The following PPP3CA variants were observed in gnomAD, a reference collection of about 807,000 sequenced individuals.
PPP3CA encodes CAM-PRP catalytic subunit.
PPP3CA carries 14 observed loss-of-function variants against 66.5 expected under a neutral mutation model. The observed-to-expected ratio is 0.21, with a 90% CI of 0.14 to 0.33. The LOEUF (loss-of-function observed/expected upper bound fraction) is 0.33, where lower values mean the gene tolerates loss of function less well. Ranked by LOEUF, PPP3CA falls within the 10% of genes least tolerant of loss-of-function variation. The pLI is 1.00. For synonymous variants in PPP3CA, 232 were observed against 226.2 expected, an observed-to-expected ratio of 1.03 and a Z score of -0.23; for missense variants, 317 against 639.5, an observed-to-expected ratio of 0.50 and a Z score of 5.44.
intron 1 of PPP3CA, among the ~76,000 whole-genome samples, chr4:101,197,197 G>A (rs1052524780): frequency 6.6e-6 from 1 of 152,136 alleles, no homozygotes; most frequent in African/African-American, 2.4e-5. Context: ...TGATGTTAAC[G>A]GAATAAACTT....
At chr4:101,081,967 A>G (rs1015144513) in intron 7 of PPP3CA, among the ~76,000 whole-genome samples, 2 of 152,208 alleles carry the variant, frequency 1.3e-5, no homozygotes, top group African/African-American at 2.4e-5. Flanking sequence ...CATAATCTCA[A>G]TTTTTCCAAT....
At chr4:101,184,139 C>T (rs7673607) in intron 2 of PPP3CA, among the ~76,000 whole-genome samples, 3,467 of 152,196 alleles carry the variant, frequency 0.023, 120 homozygotes, top group African/African-American at 0.078. Flanking sequence ...ACCACAGGAT[C>T]AACTGAAAGA....
At chr4:101,095,421 C>A (rs1345041537) in intron 5 of PPP3CA, among the ~76,000 whole-genome samples, 1 of 151,808 alleles carries the variant, frequency 6.6e-6, no homozygotes, top group Non-Finnish European at 1.5e-5. Flanking sequence ...TAAACAAATA[C>A]AAAAAAACTT....
intron 1 of PPP3CA, among the ~76,000 whole-genome samples, chr4:101,242,460 G>A (rs1458779818): frequency 6.6e-6 from 1 of 152,034 alleles, no homozygotes; most frequent in African/African-American, 2.4e-5. Flanking sequence ...AAACTCAGGG[G>A]AGACAAGTGC....
At chr4:101,320,679 A>C (rs1395605252) in intron 1 of PPP3CA, among the ~76,000 whole-genome samples, 1 of 152,132 alleles carries the variant, frequency 6.6e-6, no homozygotes, top group Non-Finnish European at 1.5e-5. Context: ...CTTCATTCCA[A>C]ACTTGAGTTA....
chr4:101,093,091 T>C (rs1730031131), intron 6 of PPP3CA, among the ~76,000 whole-genome samples: 1 of 152,210 alleles, frequency 6.6e-6, no homozygotes, highest in East Asian at 1.9e-4. Context: ...AAAGCGTTCC[T>C]ATTTCTCCAC....
At chr4:101,119,187 T>C (rs1055618031) in intron 2 of PPP3CA, among the ~76,000 whole-genome samples, 3 of 151,952 alleles carry the variant, frequency 2.0e-5, no homozygotes, top group Admixed American at 1.3e-4. Context: ...TCTATATTTT[T>C]CCACATTTTA....
intron 2 of PPP3CA, among the ~76,000 whole-genome samples, chr4:101,109,605 C>T (rs1721595798): frequency 7.1e-6 from 1 of 141,558 alleles, no homozygotes; most frequent in East Asian, 2.3e-4. Context: ...TTCACTGAAT[C>T]TAGAATGTTA....
chr4:101,260,169 A>T (rs1406863790), intron 1 of PPP3CA, among the ~76,000 whole-genome samples: 1 of 152,116 alleles, frequency 6.6e-6, no homozygotes, highest in Admixed American at 6.6e-5. Context: ...AAAGGTGCAA[A>T]CTGCTATTCT....
intron 10 of PPP3CA, among the ~76,000 whole-genome samples, chr4:101,049,513 A>C (rs138520113): frequency 2.0e-5 from 3 of 152,124 alleles, no homozygotes. Context: ...ATATCAATTT[A>C]TTATCTAAAA....
At chr4:101,338,324 A>G (rs532076453) in intron 1 of PPP3CA, among the ~76,000 whole-genome samples, 12 of 152,374 alleles carry the variant, frequency 7.9e-5, no homozygotes, top group Middle Eastern at 3.4e-3. Context: ...ACACACTTCT[A>G]CAAAGACTGG....
At chr4:101,122,218 C>G (rs1308489909) in intron 2 of PPP3CA, among the ~76,000 whole-genome samples, 1 of 152,196 alleles carries the variant, frequency 6.6e-6, no homozygotes, top group Non-Finnish European at 1.5e-5. Context: ...CTGACTTTTT[C>G]TTTGGAATAG....
At chr4:101,330,421 T>C (rs778592195) in intron 1 of PPP3CA, 4 of 533,016 alleles carry the variant, frequency 7.5e-6, no homozygotes, top group East Asian at 1.1e-4. Flanking sequence ...CAATACTACA[T>C]ACATTTAGCT....
chr4:101,162,829 A>G (rs934184126), intron 2 of PPP3CA, among the ~76,000 whole-genome samples: 1 of 152,176 alleles, frequency 6.6e-6, no homozygotes. Flanking sequence ...CTTCATTTAG[A>G]AAATGGCCAT....
rs1346724465 is a variant in PPP3CA, at chr4:101,124,773, AAGAAAGAAAGAAAGAAAGAAAGAAAG to A, written c.260-15721_260-15696del. On this transcript the variant is annotated intron_variant, in intron 2 of 13. Coordinates refer to ENST00000394854, the MANE Select transcript of PPP3CA (RefSeq NM_000944.5). ...AAAGAAAGAAAGAAAGAAAGAAAGA[AAGAAAGAAAGAAAGAAAGAAAGAAAG>A]AGAAAACTGTATTGGTGTTGAGGAG... 9.5e-4 allele frequency among the ~76,000 whole-genome samples: 124 copies of A among 130,660 alleles called. 6 individuals are homozygous for A. The highest frequency in any genetic ancestry group is 3.8e-3 in the African/African-American group (117 of 30,888). The allele number at this position is 130,660 out of a possible 152,430, so 85.7% of individuals were successfully genotyped here.
chr4:101,272,933 C>T (rs115863994), intron 1 of PPP3CA, among the ~76,000 whole-genome samples: 91 of 152,196 alleles, frequency 6.0e-4, no homozygotes, highest in African/African-American at 2.1e-3. Context: ...CAGGTAAGAA[C>T]GAAAAGCTAA....
chr4:101,218,759 A>T (rs541170324), intron 1 of PPP3CA, among the ~76,000 whole-genome samples: 3 of 152,252 alleles, frequency 2.0e-5, no homozygotes, highest in African/African-American at 7.2e-5. Flanking sequence ...GAGAAAAAAA[A>T]GAATAGAGAC....
chr4:101,320,150 C>T (rs927409804), intron 1 of PPP3CA, among the ~76,000 whole-genome samples: 10 of 151,794 alleles, frequency 6.6e-5, no homozygotes, highest in African/African-American at 1.2e-4. Flanking sequence ...CACATGCACA[C>T]GCGTGTACAT....
At chr4:101,179,762 T>C (rs1724177114) in intron 2 of PPP3CA, among the ~76,000 whole-genome samples, 1 of 152,166 alleles carries the variant, frequency 6.6e-6, no homozygotes, top group Non-Finnish European at 1.5e-5. Flanking sequence ...TCAAGATAAT[T>C]TGTCAATCTT....
Sources: gnomAD v4.1 joint callset for allele counts (sites outside exome capture counted in the v4.1 genomes callset) on GRCh38, gnomAD v4.1.1 for gene constraint, MANE v1.5 for transcripts, NCBI Gene and HGNC (gene_info 2026-07-23, HGNC 2026-07-21) for gene names.